Variants in DOCK10 observed in about 807,000 individuals in gnomAD.
DOCK10 encodes the protein dedicator of cytokinesis protein 10.
In DOCK10, 145 loss-of-function variants were observed where a neutral mutation model predicts 280.1. The observed-to-expected ratio is 0.52, with a 90% CI of 0.45 to 0.59. The LOEUF is 0.59. Among genes scored for constraint, DOCK10 ranks in the 20% least tolerant of loss-of-function variants. The pLI, the probability that DOCK10 is intolerant of heterozygous loss-of-function variation, is 0.00. For missense variants in DOCK10, 2,368 were observed against 2,651.7 expected (o/e 0.89, Z 2.35); for synonymous variants, 915 against 942.2 (o/e 0.97, Z 0.53).
At chr2:224,962,517 G>A (rs1200988159) in intron 1 of DOCK10, among the ~76,000 whole-genome samples, 2 of 152,178 alleles carry the variant, frequency 1.3e-5, no homozygotes, top group Non-Finnish European at 1.5e-5. Context: ...AGGATTTGTT[G>A]CTTTTGATGC....
intron 1 of DOCK10, among the ~76,000 whole-genome samples, chr2:224,993,338 C>A (rs1002892059): frequency 1.3e-5 from 2 of 151,630 alleles, no homozygotes; most frequent in Admixed American, 1.3e-4. Context: ...GTATCAGATT[C>A]TTATAGGATA....
chr2:224,854,325 A>G (rs1696957998), intron 16 of DOCK10, among the ~76,000 whole-genome samples: 2 of 152,154 alleles, frequency 1.3e-5, no homozygotes, highest in South Asian at 2.1e-4. Context: ...AAACTCTTTT[A>G]TAAATAAAGT....
At position 224,770,389 on chromosome 2, in the gene DOCK10, G is replaced by A. The variant is rs16866164; in HGVS notation, c.6306-40C>T. Reference sequence around the variant, plus strand: ...TTAAACAAATTAAAAACCAGCCCTCGGAAGTGGCATTGAGCTCAGTGACTG... The same window carrying A: ...TTAAACAAATTAAAAACCAGCCCTCAGAAGTGGCATTGAGCTCAGTGACTG... On this transcript the variant is annotated intron_variant, in intron 54 of 55. Transcript: ENST00000258390. The surrounding 1 kb of genome is among the most constrained non-coding windows in gnomAD (Gnocchi z 4.5). The A allele has an allele frequency of 4.7e-4, 742 of 1,566,118 alleles. 3 individuals are homozygous for A. The African/African-American group carries it at 8.6e-3, about 18-fold the overall frequency.
At chr2:224,931,946 A>G (rs892078622) in intron 1 of DOCK10, among the ~76,000 whole-genome samples, 1 of 152,192 alleles carries the variant, frequency 6.6e-6, no homozygotes, top group Non-Finnish European at 1.5e-5. Flanking sequence ...GCCCTATCAC[A>G]TCCACAGAAT....
chr2:224,865,507 A>G (rs138078571), intron 11 of DOCK10, among the ~76,000 whole-genome samples: 8 of 152,310 alleles, frequency 5.3e-5, no homozygotes, highest in Non-Finnish European at 1.2e-4. Context: ...TAGAATCATA[A>G]TAATAGCTAA....
At chr2:224,798,757 G>A (rs558971892) in intron 41 of DOCK10, among the ~76,000 whole-genome samples, 13 of 151,394 alleles carry the variant, frequency 8.6e-5, no homozygotes, top group African/African-American at 2.7e-4. Context: ...TCAGCCTTCC[G>A]AATAGCTGGG....
intron 1 of DOCK10, among the ~76,000 whole-genome samples, chr2:225,036,802 C>T (rs1690271780): frequency 6.6e-6 from 1 of 152,112 alleles, no homozygotes; most frequent in South Asian, 2.1e-4. Flanking sequence ...GACTTGGTCA[C>T]CAAGAAGCAT....
At chr2:224,901,555 T>C (rs781381462) in intron 3 of DOCK10, among the ~76,000 whole-genome samples, 6 of 152,224 alleles carry the variant, frequency 3.9e-5, no homozygotes, top group Non-Finnish European at 8.8e-5. Context: ...AAAGTCAACA[T>C]GGTCAAAGGC....
At chr2:224,993,381 A>C (rs1021495107) in intron 1 of DOCK10, among the ~76,000 whole-genome samples, 7 of 152,178 alleles carry the variant, frequency 4.6e-5, no homozygotes, top group African/African-American at 1.7e-4. Context: ...CAAATGGAGC[A>C]CTTGACACAG....
rs1382249689 is a variant in DOCK10 at position 224,786,942 on chromosome 2, C to T, written c.5655+80G>A. 9.6e-7 allele frequency: 1 copy of T among 1,040,920 alleles called. No individual in the cohort carries two copies. The highest frequency in any genetic ancestry group is 1.5e-6 in the Non-Finnish European group (1 of 659,806). 64.5% of individuals were successfully genotyped at this position (1,040,920 alleles called of 1,614,324 possible). ...ACACCTCTCCATTCACTGGTACACA[C>T]AGATGTCTCATAAAGAATGAAAGAC... On this transcript the variant is annotated intron_variant, in intron 50 of 55. Coordinates refer to ENST00000258390, the MANE Select transcript of DOCK10 (RefSeq NM_014689.3). The surrounding 1 kb of genome is among the most constrained non-coding windows in gnomAD (Gnocchi z 4.7).
At chr2:224,977,490 A>G (rs750995157) in intron 1 of DOCK10, among the ~76,000 whole-genome samples, 13 of 152,240 alleles carry the variant, frequency 8.5e-5, no homozygotes, top group Non-Finnish European at 1.8e-4. Flanking sequence ...GACATAGGAA[A>G]TAATAGACAT....
intron 22 of DOCK10, among the ~76,000 whole-genome samples, chr2:224,844,115 G>A (rs1696167134): frequency 6.6e-6 from 1 of 152,130 alleles, no homozygotes. Flanking sequence ...GTAAAGATCT[G>A]AAGTCTGTCT....
chr2:224,839,219 CAGGCACCCACCACCACGCCCGGCT>C (rs1373225254), intron 24 of DOCK10, among the ~76,000 whole-genome samples: 39 of 151,916 alleles, frequency 2.6e-4, no homozygotes, highest in African/African-American at 8.0e-4. Flanking sequence ...GCTGGGACTA[CAGGCACCCACCACCACGCCCGGCT>C]AATTTTTTGT....
intron 1 of DOCK10, among the ~76,000 whole-genome samples, chr2:224,985,874 A>G (rs1209298961): frequency 6.6e-6 from 1 of 152,212 alleles, no homozygotes; most frequent in Non-Finnish European, 1.5e-5. Flanking sequence ...ATGTCCAAAG[A>G]CCTTTTTACA....
At chr2:224,967,226 C>T (rs1453866792) in intron 1 of DOCK10, among the ~76,000 whole-genome samples, 1 of 152,080 alleles carries the variant, frequency 6.6e-6, no homozygotes, top group African/African-American at 2.4e-5. Flanking sequence ...ACTACAGGGG[C>T]CCACCACCAT....
chr2:225,007,500 T>A (rs1689308775), intron 1 of DOCK10, among the ~76,000 whole-genome samples: 1 of 152,186 alleles, frequency 6.6e-6, no homozygotes, highest in South Asian at 2.1e-4. Flanking sequence ...TAAAAGAAGA[T>A]CCTGATTTAC....
intron 7 of DOCK10, among the ~76,000 whole-genome samples, chr2:224,882,199 GATGAATGAATGTGAGAATGA>G (rs1699017692): frequency 1.3e-5 from 2 of 152,174 alleles, no homozygotes; most frequent in African/African-American, 4.8e-5. Context: ...TGGATGGATA[GATGAATGAATGTGAGAATGA>G]ATGAATGAAT....
At chr2:224,978,329 A>C (rs1399698478) in intron 1 of DOCK10, among the ~76,000 whole-genome samples, 3 of 152,146 alleles carry the variant, frequency 2.0e-5, no homozygotes, top group Non-Finnish European at 4.4e-5. Flanking sequence ...GCTACTTGGG[A>C]GGCTGAGGCA....
At chr2:224,974,762 G>A (rs1023923392) in intron 1 of DOCK10, among the ~76,000 whole-genome samples, 3 of 97,338 alleles carry the variant, frequency 3.1e-5, no homozygotes, top group East Asian at 2.4e-4. Context: ...CCCAAAACAC[G>A]TACATCCACT....
Sources: gnomAD v4.1 joint callset for allele counts (sites outside exome capture counted in the v4.1 genomes callset) on GRCh38, gnomAD v4.1.1 for gene constraint, Gnocchi (gnomAD v3.1) non-coding constraint, MANE v1.5 for transcripts, NCBI Gene and HGNC (gene_info 2026-07-23, HGNC 2026-07-21) for gene names.